The following SLC24A3 variants were observed in gnomAD, a reference collection of about 807,000 sequenced individuals.
SLC24A3 encodes the protein sodium/potassium/calcium exchanger 3.
Under a neutral mutation model 75.8 loss-of-function variants are expected in SLC24A3, and 28 were observed. That is an observed-to-expected ratio of 0.37 (90% CI 0.27 to 0.51). The LOEUF is 0.51. SLC24A3 is among the 20% of genes least tolerant of loss of function. The pLI, the probability that SLC24A3 is intolerant of heterozygous loss-of-function variation, is 0.94. For synonymous variants in SLC24A3, 372 were observed against 334.1 expected (o/e 1.11, Z -1.24); for missense variants, 663 against 847.8 (o/e 0.78, Z 2.71).
At chr20:19,393,185 G>A (rs990548618) in intron 2 of SLC24A3, among the ~76,000 whole-genome samples, 2 of 152,116 alleles carry the variant, frequency 1.3e-5, no homozygotes, top group African/African-American at 2.4e-5. Flanking sequence ...AAAAATCACT[G>A]ATACCCATAG....
intron 2 of SLC24A3, among the ~76,000 whole-genome samples, 194 bp from the exon 3 acceptor site, chr20:19,515,294 C>T (rs1467460920): frequency 2.0e-5 from 3 of 152,186 alleles, no homozygotes; most frequent in Middle Eastern, 3.2e-3. Context: ...GTTCTGCTAA[C>T]GCTACTGTGG....
intron 2 of SLC24A3, among the ~76,000 whole-genome samples, chr20:19,357,625 A>G (rs1304465845): frequency 6.6e-6 from 1 of 152,048 alleles, no homozygotes; most frequent in Admixed American, 6.5e-5. Context: ...TCAGTGTGCC[A>G]TTTCTTCTTC....
chr20:19,508,237 G>A (rs899390623), intron 2 of SLC24A3, among the ~76,000 whole-genome samples: 5 of 152,196 alleles, frequency 3.3e-5, no homozygotes, highest in African/African-American at 1.2e-4. Flanking sequence ...CATCACTGCA[G>A]GGGGAAGCTG....
At chr20:19,652,964 G>A (rs371480641) in intron 6 of SLC24A3, among the ~76,000 whole-genome samples, 2 of 152,166 alleles carry the variant, frequency 1.3e-5, no homozygotes, top group Non-Finnish European at 2.9e-5. Context: ...TGGGGTAGTC[G>A]ATACTCCTCT....
intron 2 of SLC24A3, among the ~76,000 whole-genome samples, chr20:19,400,638 G>A (rs1280373560): frequency 1.3e-5 from 2 of 152,094 alleles, no homozygotes; most frequent in Admixed American, 6.6e-5. Flanking sequence ...CTTCTCCCTA[G>A]TGCCCTTCCC....
chr20:19,323,670 G>A (rs1984770007), intron 2 of SLC24A3, among the ~76,000 whole-genome samples: 1 of 152,040 alleles, frequency 6.6e-6, no homozygotes, highest in African/African-American at 2.4e-5. Context: ...TAATATGGGA[G>A]GCCAAGACCT....
chr20:19,457,248 G>T (rs932012789), intron 2 of SLC24A3, among the ~76,000 whole-genome samples: 28 of 152,106 alleles, frequency 1.8e-4, no homozygotes, highest in African/African-American at 6.5e-4. Context: ...TGTGGAGGAG[G>T]GCAGAGTCTT....
chr20:19,309,925 A>G (rs1984416574), intron 2 of SLC24A3, among the ~76,000 whole-genome samples: 1 of 152,038 alleles, frequency 6.6e-6, no homozygotes, highest in South Asian at 2.1e-4. Flanking sequence ...GGTCATTGGG[A>G]CAGGTCAGGG....
intron 2 of SLC24A3, among the ~76,000 whole-genome samples, chr20:19,505,003 T>G (rs1988441909): frequency 6.6e-6 from 1 of 152,234 alleles, no homozygotes; most frequent in Non-Finnish European, 1.5e-5. Context: ...GATGCCATGG[T>G]TTTTATTATT....
At chr20:19,533,037 C>G (rs1243172412) in intron 3 of SLC24A3, among the ~76,000 whole-genome samples, 1 of 152,206 alleles carries the variant, frequency 6.6e-6, no homozygotes, top group African/African-American at 2.4e-5. Context: ...AGCTACCTTT[C>G]TGGATATCTA....
Position 19,605,360 on chromosome 20 carries a change from A to G in SLC24A3, c.612+19816A>G, listed in dbSNP as rs547516795. 3.3e-5 allele frequency among the ~76,000 whole-genome samples: 5 copies of G among 152,184 alleles called. No homozygotes were observed. In the South Asian group the frequency reaches 1.0e-3, roughly 32 times the overall value. On this transcript the variant is annotated intron_variant, in intron 6 of 16. Coordinates refer to ENST00000328041, the MANE Select transcript of SLC24A3 (RefSeq NM_020689.4). ...TTTTAATCACTTACATCTACTGGCT[A>G]GTCTGTTTCCAATTAAGACTTCTAC... is the stretch of plus-strand genomic sequence containing the variant.
intron 2 of SLC24A3, among the ~76,000 whole-genome samples, chr20:19,416,881 A>T (rs1014117033): frequency 2.6e-5 from 4 of 152,220 alleles, no homozygotes; most frequent in Non-Finnish European, 5.9e-5. Context: ...ATACAATAAA[A>T]TGCCACCAGT....
intron 2 of SLC24A3, among the ~76,000 whole-genome samples, chr20:19,328,107 G>A (rs548700530): frequency 1.3e-3 from 194 of 152,252 alleles, no homozygotes; most frequent in Middle Eastern, 3.4e-3. Context: ...GAGCCATGGA[G>A]AGTTCTGAGG....
chr20:19,644,582 T>C (rs1378622997), intron 6 of SLC24A3, among the ~76,000 whole-genome samples: 2 of 152,224 alleles, frequency 1.3e-5, no homozygotes, highest in African/African-American at 4.8e-5. Flanking sequence ...GAATGAATAT[T>C]GTGAGCCACT....
At chr20:19,343,365 T>C (rs771086792) in intron 2 of SLC24A3, among the ~76,000 whole-genome samples, 6 of 152,178 alleles carry the variant, frequency 3.9e-5, no homozygotes, top group Non-Finnish European at 1.5e-5. Context: ...CTATGTGTTT[T>C]CATGTGTAAT....
intron 2 of SLC24A3, among the ~76,000 whole-genome samples, chr20:19,397,319 A>T (rs1986471436): frequency 6.6e-6 from 1 of 152,210 alleles, no homozygotes; most frequent in Non-Finnish European, 1.5e-5. Context: ...GTTGTACATC[A>T]TAACCAGTTA....
chr20:19,356,180 A>G (rs1035438062), intron 2 of SLC24A3, among the ~76,000 whole-genome samples: 1 of 152,226 alleles, frequency 6.6e-6, no homozygotes, highest in East Asian at 1.9e-4. Flanking sequence ...AAAAACATAT[A>G]GGGAGTAACA....
chr20:19,487,274 G>A (rs140595215), intron 2 of SLC24A3, among the ~76,000 whole-genome samples: 47 of 152,218 alleles, frequency 3.1e-4, no homozygotes, highest in East Asian at 2.1e-3. Flanking sequence ...GACCCCATGC[G>A]TTAGGAATCT....
chr20:19,351,796 T>C (rs1985572058), intron 2 of SLC24A3, among the ~76,000 whole-genome samples: 1 of 152,182 alleles, frequency 6.6e-6, no homozygotes, highest in African/African-American at 2.4e-5. Flanking sequence ...ATGGGTTTGA[T>C]CAAACACAGA....
Sources: gnomAD v4.1 joint callset for allele counts (sites outside exome capture counted in the v4.1 genomes callset) on GRCh38, gnomAD v4.1.1 for gene constraint, MANE v1.5 for transcripts, NCBI Gene and HGNC (gene_info 2026-07-23, HGNC 2026-07-21) for gene names.